BAIAP2L1: variants seen among roughly 807,000 people sequenced by gnomAD.
BAIAP2L1 encodes the protein BAR/IMD domain containing adaptor protein 2 like 1, also known as BAR/IMD domain-containing adapter protein 2-like 1.
In BAIAP2L1, 35 loss-of-function variants were observed where a neutral mutation model predicts 66.3. That is an observed-to-expected ratio of 0.53 (90% confidence interval 0.40 to 0.70). The LOEUF is 0.70. Ranked by LOEUF, BAIAP2L1 falls within the 30% of genes least tolerant of loss-of-function variation. BAIAP2L1 has a pLI of 0.00. For missense variants in BAIAP2L1, 622 were observed against 656.9 expected (o/e 0.95, Z 0.58); for synonymous variants, 269 against 248.7 (o/e 1.08, Z -0.77).
rs192817514 is a variant in BAIAP2L1, at chr7:98,301,687, G to A, written c.1422+2509C>T. ...GGTGTGTGTGTGTGTGCACACGCGC[G>A]TCTGTGTGTGTGGTGGGGGTTAGAG... On this transcript the variant is annotated intron_variant, in intron 12 of 13. Transcript: ENST00000005260. Among the ~76,000 whole-genome samples the A allele has an allele frequency of 3.3e-3, 500 of 152,190 alleles. 3 individuals are homozygous for A. Among genetic ancestry groups the A allele is most frequent in the African/African-American group, 0.011 (472 of 41,520 alleles).
chr7:98,394,103 C>T (rs1275792252), intron 1 of BAIAP2L1, among the ~76,000 whole-genome samples: 7 of 151,872 alleles, frequency 4.6e-5, no homozygotes, highest in Non-Finnish European at 1.0e-4. Flanking sequence ...ATTAGCCGGG[C>T]GTGGTGGCAG....
rs757262879 is a variant in BAIAP2L1, at chr7:98,306,554, A to G, written c.1164-38T>C. 3 of 1,614,064 alleles carry G rather than the reference A, an allele frequency of 1.9e-6. No individual in the cohort carries two copies. In the East Asian group the frequency reaches 6.7e-5, roughly 36 times the overall value. ...AGGGAGAAAAGACCCTATCAGCAGT[A>G]GACATGTGGACGGCAACCTCCCTGA... On this transcript the variant is annotated intron_variant, in intron 10 of 13. Coordinates refer to ENST00000005260, the MANE Select transcript of BAIAP2L1 (RefSeq NM_018842.5).
chr7:98,296,070 T>G (rs6970990), intron 12 of BAIAP2L1, among the ~76,000 whole-genome samples: 58,085 of 151,500 alleles, frequency 0.38, 12,684 homozygotes, highest in Middle Eastern at 0.54. Flanking sequence ...CGCCCGTCAA[T>G]GGGAGAGTCA....
At chr7:98,348,862 G>A (rs562600014) in intron 3 of BAIAP2L1, among the ~76,000 whole-genome samples, 119 of 152,346 alleles carry the variant, frequency 7.8e-4, no homozygotes, top group African/African-American at 2.8e-3. Context: ...CAAGTTAACA[G>A]CAGGAATGTG....
intron 1 of BAIAP2L1, among the ~76,000 whole-genome samples, chr7:98,374,931 C>CA (rs1021015123): frequency 7.3e-5 from 11 of 151,432 alleles, no homozygotes; most frequent in African/African-American, 2.7e-4. Context: ...ACCAAAAATT[C>CA]AAAAAATTAG....
intron 2 of BAIAP2L1, among the ~76,000 whole-genome samples, chr7:98,355,968 A>T (rs1040223316): frequency 6.6e-6 from 1 of 152,242 alleles, no homozygotes; most frequent in South Asian, 2.1e-4. Flanking sequence ...ATATATTATC[A>T]TTCCAAAAAG....
rs375152422 is a variant in BAIAP2L1 at position 98,312,281 on chromosome 7, A to G, written c.640-17T>C. ...TTCTGCAGACTGCAAAGCCAAAAGA[A>G]GAAGACTAAAGACAAAGAAGATTGT... On this transcript the variant is annotated splice_polypyrimidine_tract_variant and intron_variant, in intron 7 of 13. Coordinates refer to ENST00000005260, the MANE Select transcript of BAIAP2L1 (RefSeq NM_018842.5). 1.9e-6 allele frequency: 3 copies of G among 1,588,934 alleles called. No homozygotes were observed. Among genetic ancestry groups the G allele is most frequent in the Non-Finnish European group, 2.6e-6 (3 of 1,170,564 alleles).
intron 3 of BAIAP2L1, among the ~76,000 whole-genome samples, chr7:98,341,509 C>A (rs938054492): frequency 1.3e-5 from 2 of 151,950 alleles, no homozygotes; most frequent in African/African-American, 2.4e-5. Context: ...ACAGAAAGAC[C>A]CCCATCTCTA....
chr7:98,319,107 GGAC>G (rs1801167635), intron 5 of BAIAP2L1, among the ~76,000 whole-genome samples: 1 of 152,170 alleles, frequency 6.6e-6, no homozygotes, highest in Non-Finnish European at 1.5e-5. Context: ...GTCCTCACGA[GGAC>G]GACAGGGGAG....
intron 1 of BAIAP2L1, chr7:98,386,051 C>T: frequency 6.9e-7 from 1 of 1,458,742 alleles, no homozygotes; most frequent in Non-Finnish European, 9.5e-7. Context: ...TCTTTCAAGT[C>T]ATTTGTCTGC....
chr7:98,326,990 G>A (rs1050747525), intron 3 of BAIAP2L1, among the ~76,000 whole-genome samples: 2 of 152,168 alleles, frequency 1.3e-5, no homozygotes, highest in South Asian at 2.1e-4. Context: ...TATACTCAGC[G>A]GACATAAAAT....
intron 3 of BAIAP2L1, among the ~76,000 whole-genome samples, chr7:98,346,070 A>G (rs1187408989): frequency 6.6e-6 from 1 of 152,220 alleles, no homozygotes; most frequent in Non-Finnish European, 1.5e-5. Context: ...TGATAATCAC[A>G]CAACTTTGTG....
Position 98,327,250 on chromosome 7 carries a change from A to T in BAIAP2L1, c.215-6952T>A, listed in dbSNP as rs1801396851. ...GTGGTGCACATCTGTAATTCCAGCT[A>T]CTTGGGAGGCTGAAGCATGAGAATT... On this transcript the variant is annotated intron_variant, in intron 3 of 13. Coordinates refer to ENST00000005260, the MANE Select transcript of BAIAP2L1 (RefSeq NM_018842.5). Among the ~76,000 whole-genome samples, 2 of 152,066 alleles carry T rather than the reference A, an allele frequency of 1.3e-5. 1 individual carries two copies.
At chr7:98,357,524 G>A (rs1248416544) in intron 2 of BAIAP2L1, among the ~76,000 whole-genome samples, 3 of 140,276 alleles carry the variant, frequency 2.1e-5, no homozygotes, top group Admixed American at 7.5e-5. Context: ...CTGAGATTGC[G>A]CCACTGCACT....
chr7:98,350,761 T>A (rs1285164372), intron 3 of BAIAP2L1, among the ~76,000 whole-genome samples: 1 of 152,044 alleles, frequency 6.6e-6, no homozygotes, highest in East Asian at 1.9e-4. Context: ...TGTGCTTAGA[T>A]CTCCCCTTCC....
At chr7:98,321,309 G>A (rs1275504598) in intron 3 of BAIAP2L1, among the ~76,000 whole-genome samples, 3 of 152,162 alleles carry the variant, frequency 2.0e-5, no homozygotes, top group Non-Finnish European at 2.9e-5. Context: ...AATCCCCAGA[G>A]TAATCTGATT....
chr7:98,321,930 T>C (rs12112351), intron 3 of BAIAP2L1, among the ~76,000 whole-genome samples: 61,220 of 151,928 alleles, frequency 0.4, 13,306 homozygotes, highest in Middle Eastern at 0.55. Context: ...ACCCCGTCTC[T>C]ATTAAAAATA....
chr7:98,304,257 TCTGCTC>T lies in BAIAP2L1; in HGVS notation c.1355_1360del (p.Arg452_Asp454delinsAsn). The T allele has an allele frequency of 6.2e-7, 1 of 1,613,772 alleles. No individual in the cohort carries two copies. Among genetic ancestry groups the T allele is most frequent in the South Asian group, 1.1e-5 (1 of 91,004 alleles). On this transcript the variant is annotated inframe_deletion, in exon 12 of 14. Transcript: ENST00000005260. ...AAAGGTGGATGTCGTCCTGGCCGAA[TCTGCTC>T]TCCTGTCGGCAGCTGCCCCCATGGA...
intron 1 of BAIAP2L1, among the ~76,000 whole-genome samples, chr7:98,363,588 C>G (rs543780472): frequency 3.9e-5 from 6 of 152,154 alleles, no homozygotes; most frequent in Non-Finnish European, 8.8e-5. Context: ...TTAAAATACC[C>G]TAACTTTGAA....
Sources: allele counts gnomAD v4.1 joint callset (sites outside exome capture counted in the v4.1 genomes callset), GRCh38; gene constraint gnomAD v4.1.1; transcripts MANE v1.5; gene names NCBI Gene and HGNC (gene_info 2026-07-23, HGNC 2026-07-21).